The following DTNB variants were observed in gnomAD, a reference collection of about 807,000 sequenced individuals.
DTNB encodes the protein dystrobrevin beta.
Under a neutral mutation model 90.7 loss-of-function variants are expected in DTNB, and 63 were observed. That is an observed-to-expected ratio of 0.69 (90% CI 0.57 to 0.86). DTNB has a LOEUF of 0.86. Ranked by LOEUF, DTNB falls within the 40% of genes least tolerant of loss-of-function variation. DTNB has a pLI of 0.00. For missense variants in DTNB, 744 were observed against 807.1 expected (o/e 0.92, Z 0.95); for synonymous variants, 277 against 286.7 (o/e 0.97, Z 0.34).
At chr2:25,661,859 T>TA (rs2083241235) in intron 1 of DTNB, among the ~76,000 whole-genome samples, 1 of 152,120 alleles carries the variant, frequency 6.6e-6, no homozygotes, top group East Asian at 1.9e-4. Context: ...CTAGTAATAT[T>TA]AAAAATGGAT....
At chr2:25,613,889 T>C (rs867936336) in intron 4 of DTNB, among the ~76,000 whole-genome samples, 2 of 151,970 alleles carry the variant, frequency 1.3e-5, no homozygotes, top group Admixed American at 6.6e-5. Flanking sequence ...ACCCAGGAAG[T>C]GGAGGTTGCA....
chr2:25,494,611 C>T (rs569226936), intron 9 of DTNB, among the ~76,000 whole-genome samples: 24 of 152,254 alleles, frequency 1.6e-4, no homozygotes, highest in Middle Eastern at 3.4e-3. Flanking sequence ...GTCATTAGGA[C>T]GTTTACTGTT....
At chr2:25,388,499 G>A (rs1354301827) in intron 16 of DTNB, 138 bp from the exon 17 acceptor site, 2 of 1,204,312 alleles carry the variant, frequency 1.7e-6, no homozygotes, top group African/African-American at 1.5e-5. Flanking sequence ...TTGAAAGGAA[G>A]GAGTTAGGCT....
chr2:25,436,289 T>G (rs371180044), intron 12 of DTNB, among the ~76,000 whole-genome samples: 10 of 151,802 alleles, frequency 6.6e-5, no homozygotes, highest in African/African-American at 2.4e-4. Context: ...GAGCTGAGAT[T>G]GTGCCACTGC....
chr2:25,656,193 T>C (rs914279445), intron 1 of DTNB, among the ~76,000 whole-genome samples: 2 of 152,176 alleles, frequency 1.3e-5, no homozygotes, highest in Non-Finnish European at 2.9e-5. Context: ...TTTCAAGCAA[T>C]CTTATAATTC....
At chr2:25,596,011 C>A in intron 6 of DTNB, 75 bp downstream of exon 6, 1 of 1,307,492 alleles carries the variant, frequency 7.6e-7, no homozygotes. Flanking sequence ...TGGAAGCAAT[C>A]TGGCAAAATC....
intron 12 of DTNB, among the ~76,000 whole-genome samples, chr2:25,444,281 C>A (rs560317817): frequency 2.4e-4 from 37 of 152,216 alleles, no homozygotes; most frequent in Middle Eastern, 3.4e-3. Context: ...GTAATCCCAG[C>A]ACTTTGGGAG....
chr2:25,514,962 C>T (rs780749183), intron 9 of DTNB, among the ~76,000 whole-genome samples: 1 of 152,022 alleles, frequency 6.6e-6, no homozygotes, highest in East Asian at 1.9e-4. Context: ...GGATTACAGG[C>T]GTGAGTCACC....
rs1558467140 is a variant in DTNB, at chr2:25,424,828, CG to C, written c.1554+2706del. 6.6e-6 allele frequency among the ~76,000 whole-genome samples: 1 copy of C among 152,066 alleles called. No individual in the cohort carries two copies. The highest frequency in any genetic ancestry group is 1.9e-4 in the East Asian group (1 of 5,190). On this transcript the variant is annotated intron_variant, in intron 15 of 20. Coordinates refer to ENST00000406818, the MANE Select transcript of DTNB (RefSeq NM_021907.5). The surrounding 1 kb of genome is among the most constrained non-coding windows in gnomAD (Gnocchi z 4.1). ...GATTATAGGCACGTGCCACCGTGCC[CG>C]GCTAATTTTTGTGTTTTTAGTAGAG... is the stretch of plus-strand genomic sequence containing the variant.
intron 7 of DTNB, among the ~76,000 whole-genome samples, chr2:25,577,713 G>C (rs1326021996): frequency 1.3e-5 from 2 of 152,040 alleles, no homozygotes; most frequent in Non-Finnish European, 2.9e-5. Flanking sequence ...TAATAGAAAA[G>C]AGGGATAGGC....
chr2:25,637,880 A>C (rs2077431200), intron 3 of DTNB, among the ~76,000 whole-genome samples: 1 of 152,206 alleles, frequency 6.6e-6, no homozygotes, highest in Non-Finnish European at 1.5e-5. Context: ...AAGGATTATA[A>C]ATCAGGCTGC....
chr2:25,590,666 C>T (rs980283364), intron 6 of DTNB, among the ~76,000 whole-genome samples: 2 of 152,158 alleles, frequency 1.3e-5, no homozygotes, highest in Admixed American at 6.5e-5. Context: ...ATCATTTGTT[C>T]GAGTTTGGCT....
In DTNB at chr2:25,557,350, C is replaced by T. The variant is rs182932267; in HGVS notation, c.876+19488G>A. Among the ~76,000 whole-genome samples the T allele has an allele frequency of 2.2e-4, 33 of 152,254 alleles. No individual in the cohort carries two copies. In the Middle Eastern group the frequency reaches 0.01, roughly 47 times the overall value. On this transcript the variant is annotated intron_variant, in intron 8 of 20. Coordinates refer to ENST00000406818, the MANE Select transcript of DTNB (RefSeq NM_021907.5). Reference sequence around the variant, plus strand: ...TGAATGAATACCAGGACAGAAAGCTCGCTGCCCTGTTTAGACAGCCCATTG... The same window carrying T: ...TGAATGAATACCAGGACAGAAAGCTTGCTGCCCTGTTTAGACAGCCCATTG...
At chr2:25,586,459 G>A (rs1186875185) in intron 6 of DTNB, among the ~76,000 whole-genome samples, 10 of 148,388 alleles carry the variant, frequency 6.7e-5, no homozygotes, top group South Asian at 4.2e-4. Context: ...GCAGTGAGTC[G>A]AGATTGCGCC....
chr2:25,422,324 T>C (rs2049984456), intron 15 of DTNB, among the ~76,000 whole-genome samples: 1 of 151,908 alleles, frequency 6.6e-6, no homozygotes. Context: ...TAGATAAGCA[T>C]TTGCAAATGA....
chr2:25,486,021 T>G (rs925560362), intron 9 of DTNB, among the ~76,000 whole-genome samples: 2 of 145,768 alleles, frequency 1.4e-5, no homozygotes, highest in African/African-American at 5.1e-5. Flanking sequence ...ACTTGGGAGG[T>G]TGAGGCAGGA....
chr2:25,588,978 T>C (rs758588730), intron 6 of DTNB, among the ~76,000 whole-genome samples: 2 of 152,164 alleles, frequency 1.3e-5, no homozygotes, highest in Non-Finnish European at 2.9e-5. Context: ...ATAACAAATA[T>C]AGATACACCT....
intron 1 of DTNB, among the ~76,000 whole-genome samples, chr2:25,660,114 G>A (rs2082858700): frequency 6.6e-6 from 1 of 152,150 alleles, no homozygotes; most frequent in Admixed American, 6.5e-5. Flanking sequence ...ATGGTCATCT[G>A]ATTTTCAACA....
At chr2:25,572,368 G>T (rs1478620887) in intron 8 of DTNB, among the ~76,000 whole-genome samples, 4 of 151,902 alleles carry the variant, frequency 2.6e-5, no homozygotes, top group Non-Finnish European at 5.9e-5. Flanking sequence ...TCAGGAGGCT[G>T]AGGCAGGAGA....
Sources: gnomAD v4.1 joint callset for allele counts (sites outside exome capture counted in the v4.1 genomes callset) on GRCh38, gnomAD v4.1.1 for gene constraint, Gnocchi (gnomAD v3.1) non-coding constraint, MANE v1.5 for transcripts, NCBI Gene and HGNC (gene_info 2026-07-23, HGNC 2026-07-21) for gene names.